The following TNIK variants were observed in gnomAD, a reference collection of about 807,000 sequenced individuals.
TNIK encodes the protein TRAF2 and NCK-interacting protein kinase.
In TNIK, 49 loss-of-function variants were observed where a neutral mutation model predicts 191.3. That is an observed-to-expected ratio of 0.26 (90% CI 0.20 to 0.32). TNIK has a LOEUF of 0.32. TNIK is among the 10% of genes least tolerant of loss of function. The pLI is 1.00. For missense variants in TNIK, 1,155 were observed against 1,702.3 expected (o/e 0.68, Z 5.66); for synonymous variants, 594 against 600.9 (o/e 0.99, Z 0.17).
intron 2 of TNIK, among the ~76,000 whole-genome samples, chr3:171,273,053 G>C (rs553663379): frequency 6.6e-6 from 1 of 152,210 alleles, no homozygotes; most frequent in African/African-American, 2.4e-5. Context: ...TGGCTGCTAG[G>C]GCCAGTGTGG....
At chr3:171,359,903 T>G (rs1006411222) in intron 2 of TNIK, among the ~76,000 whole-genome samples, 2 of 152,318 alleles carry the variant, frequency 1.3e-5, no homozygotes, top group African/African-American at 4.8e-5. Flanking sequence ...TAACCCAGAA[T>G]AGTAACTATT....
At chr3:171,150,468 C>CGG (rs1732291315) in intron 12 of TNIK, among the ~76,000 whole-genome samples, 1 of 152,138 alleles carries the variant, frequency 6.6e-6, no homozygotes, top group Non-Finnish European at 1.5e-5. Flanking sequence ...ATGCAAGAAG[C>CGG]TTGTTATTCA....
intron 4 of TNIK, among the ~76,000 whole-genome samples, chr3:171,205,963 T>A (rs1035631523): frequency 3.3e-5 from 5 of 152,176 alleles, no homozygotes; most frequent in Non-Finnish European, 5.9e-5. Flanking sequence ...ACATTGAAAG[T>A]TAGGATTTCA....
intron 1 of TNIK, among the ~76,000 whole-genome samples, chr3:171,420,955 T>C (rs1723721317): frequency 6.6e-6 from 1 of 152,190 alleles, no homozygotes; most frequent in Admixed American, 6.5e-5. Flanking sequence ...TTAAAACTTA[T>C]GAACTGTTTA....
At position 171,349,795 on chromosome 3, in the gene TNIK, C is replaced by T. The variant is rs753068961; in HGVS notation, c.123+19825G>A. ...TATCCATTCTTGCGTATTCTAGTTA[C>T]ACCGAGCATACATTCATTGTGGAAT... On this transcript the variant is annotated intron_variant, in intron 2 of 32. Coordinates refer to ENST00000436636, the MANE Select transcript of TNIK (RefSeq NM_015028.4). Among the ~76,000 whole-genome samples the T allele has an allele frequency of 1.5e-4, 23 of 152,216 alleles. 1 individual carries two copies. The highest frequency in any genetic ancestry group is 3.2e-4 in the Non-Finnish European group (22 of 68,046).
Position 171,066,264 on chromosome 3 carries a change from C to G in TNIK, c.3922G>C (p.Glu1308Gln). Residue 1308 changes from glutamate to glutamine, a missense_variant, in exon 32 of 33, where the codon GAA becomes CAA. Physicochemically the swap from Glu to Gln is conservative, Grantham distance 29. Around this residue, in one of 3 missense-constraint regions of TNIK, gnomAD observed 195 missense variants for 415.4 expected, o/e 0.47. Coordinates refer to ENST00000436636, the MANE Select transcript of TNIK (RefSeq NM_015028.4). ...AATACTCCATCCAAATGTCCTGTTT[C>G]CACTGACCGGATCTCAATAGCTTTC... ...GEKAIEIRSV[E>Q]TGHLDGVFMH... The G allele has an allele frequency of 1.2e-6, 2 of 1,613,940 alleles. No homozygotes were observed. Among genetic ancestry groups the G allele is most frequent in the Non-Finnish European group, 1.7e-6 (2 of 1,179,864 alleles).
chr3:171,195,807 T>C (rs759755599), intron 4 of TNIK, among the ~76,000 whole-genome samples: 1 of 152,078 alleles, frequency 6.6e-6, no homozygotes, highest in African/African-American at 2.4e-5. Context: ...TAAGTGCTTA[T>C]AGGGAAATTT....
At chr3:171,421,288 C>T (rs1456532963) in intron 1 of TNIK, among the ~76,000 whole-genome samples, 1 of 152,228 alleles carries the variant, frequency 6.6e-6, no homozygotes, top group Non-Finnish European at 1.5e-5. Context: ...CACACATGCA[C>T]ATACCCCAGA....
intron 16 of TNIK, among the ~76,000 whole-genome samples, chr3:171,127,598 T>C (rs1042886794): frequency 1.3e-5 from 2 of 152,120 alleles, no homozygotes; most frequent in Admixed American, 6.5e-5. Context: ...CCTTCCAAGG[T>C]CAACGTTAGG....
intron 18 of TNIK, among the ~76,000 whole-genome samples, chr3:171,115,479 G>GAT (rs1390147998): frequency 6.6e-6 from 1 of 152,224 alleles, no homozygotes; most frequent in African/African-American, 2.4e-5. Flanking sequence ...AAGAGACTAA[G>GAT]TATTGTTGGA....
chr3:171,204,008 A>C (rs186591030), intron 4 of TNIK, among the ~76,000 whole-genome samples: 119 of 152,354 alleles, frequency 7.8e-4, no homozygotes, highest in Non-Finnish European at 9.0e-4. Flanking sequence ...AGACAGCAAA[A>C]TATGTGTGAG....
chr3:171,429,960 C>T (rs145625222), intron 1 of TNIK, among the ~76,000 whole-genome samples: 2,597 of 152,250 alleles, frequency 0.017, 33 homozygotes, highest in Non-Finnish European at 0.023. Context: ...GCAGCAGCAG[C>T]AGCATCATTT....
intron 1 of TNIK, among the ~76,000 whole-genome samples, chr3:171,392,181 G>A (rs1196691714): frequency 6.6e-6 from 1 of 152,184 alleles, no homozygotes; most frequent in Non-Finnish European, 1.5e-5. Context: ...ACTGGAGATG[G>A]ACACAGGCAC....
At chr3:171,407,055 AG>A (rs916042187) in intron 1 of TNIK, among the ~76,000 whole-genome samples, 10 of 152,316 alleles carry the variant, frequency 6.6e-5, no homozygotes, top group Admixed American at 5.2e-4. Flanking sequence ...AGCAGTAATC[AG>A]GGGAGAGAAT....
chr3:171,308,986 C>T (rs149820613), intron 2 of TNIK, among the ~76,000 whole-genome samples: 20 of 152,210 alleles, frequency 1.3e-4, no homozygotes, highest in African/African-American at 2.2e-4. Context: ...GAAAGCAGTT[C>T]GGTGATTTCT....
intron 28 of TNIK, among the ~76,000 whole-genome samples, chr3:171,071,823 AG>A (rs1719222691): frequency 6.6e-6 from 1 of 152,174 alleles, no homozygotes; most frequent in Non-Finnish European, 1.5e-5. Flanking sequence ...TTCTAACGAA[AG>A]GGGGGTGTTA....
chr3:171,071,224 T>C lies in TNIK; in HGVS notation c.3548A>G (p.Lys1183Arg), dbSNP rs1719136913. The C allele has an allele frequency of 6.3e-7, 1 of 1,595,644 alleles. No homozygotes were observed. The highest frequency in any genetic ancestry group is 1.7e-4 in the Middle Eastern group (1 of 6,012). The part of the protein sequence containing the change: ...PKPYHKFMAF[K>R]SFADLQHKPL... ...TTAGATAATCACATCCCTGCTTACC[T>C]TAAATGCCATGAATTTATGATACGG... is the stretch of plus-strand genomic sequence containing the variant. Residue 1183 changes from lysine (K) to arginine (R), a missense_variant and splice_region_variant, in exon 29 of 33, where the codon AAG becomes AGG. By Grantham distance (26) the Lys-to-Arg change is conservative. Coordinates refer to ENST00000436636, the MANE Select transcript of TNIK (RefSeq NM_015028.4).
chr3:171,269,465 T>C (rs1467884594), intron 2 of TNIK, among the ~76,000 whole-genome samples: 1 of 152,236 alleles, frequency 6.6e-6, no homozygotes, highest in East Asian at 1.9e-4. Context: ...ATACAAATTA[T>C]ATATTGATGT....
intron 18 of TNIK, among the ~76,000 whole-genome samples, chr3:171,114,602 T>G (rs1376629256): frequency 6.6e-6 from 1 of 152,230 alleles, no homozygotes; most frequent in Non-Finnish European, 1.5e-5. Flanking sequence ...GAAAAACGTA[T>G]GTACAAATAA....
Sources: gnomAD v4.1 joint callset for allele counts (sites outside exome capture counted in the v4.1 genomes callset) on GRCh38, gnomAD v4.1.1 for gene constraint, gnomAD v4.1.1 regional missense constraint, MANE v1.5 for transcripts, NCBI Gene and HGNC (gene_info 2026-07-23, HGNC 2026-07-21) for gene names.